Variants in CCDC91 observed in about 807,000 individuals in gnomAD.
CCDC91 encodes the protein coiled-coil domain containing 91, also known as coiled-coil domain-containing protein 91.
CCDC91 carries 48 observed loss-of-function variants against 63.2 expected under a neutral mutation model. The ratio of observed to expected loss-of-function variants is 0.76; its 90% confidence interval spans 0.60 to 0.97. CCDC91 has a LOEUF of 0.97. Among genes scored for constraint, CCDC91 ranks in the 50% least tolerant of loss-of-function variants. The pLI, the probability that CCDC91 is intolerant of heterozygous loss-of-function variation, is 0.00. For missense variants in CCDC91, 500 were observed against 494.6 expected, an observed-to-expected ratio of 1.01 and a Z score of -0.10; for synonymous variants, 167 against 165.8, an observed-to-expected ratio of 1.01 and a Z score of -0.06.
chr12:28,496,293 C>T (rs1952276038), intron 12 of CCDC91, among the ~76,000 whole-genome samples: 2 of 151,642 alleles, frequency 1.3e-5, no homozygotes, highest in African/African-American at 4.8e-5. Flanking sequence ...TTTCCATCCC[C>T]CAAATTTGGA....
intron 8 of CCDC91, among the ~76,000 whole-genome samples, chr12:28,438,308 G>C (rs73085948): frequency 0.059 from 9,017 of 152,146 alleles, 398 homozygotes; most frequent in Non-Finnish European, 0.089. Context: ...CTTTACAAAA[G>C]GGCTTGAGGG....
chr12:28,354,582 G>C (rs1340635407), intron 6 of CCDC91, among the ~76,000 whole-genome samples: 1 of 152,076 alleles, frequency 6.6e-6, no homozygotes, highest in African/African-American at 2.4e-5. Flanking sequence ...TAATAATACT[G>C]TGGACAGGAA....
chr12:28,258,959 G>A (rs999709976), intron 2 of CCDC91, among the ~76,000 whole-genome samples: 1 of 151,692 alleles, frequency 6.6e-6, no homozygotes, highest in African/African-American at 2.4e-5. Flanking sequence ...TCTCTAATTG[G>A]GTCTTGTGCT....
intron 12 of CCDC91, among the ~76,000 whole-genome samples, chr12:28,538,645 TG>T (rs1942383538): frequency 6.6e-6 from 1 of 152,158 alleles, no homozygotes; most frequent in African/African-American, 2.4e-5. Flanking sequence ...CTGGGTCAAA[TG>T]CTGTTTCTAG....
At chr12:28,322,491 T>C (rs1377776689) in intron 6 of CCDC91, among the ~76,000 whole-genome samples, 1 of 151,884 alleles carries the variant, frequency 6.6e-6, no homozygotes, top group African/African-American at 2.4e-5. Context: ...ACTTGGTTTT[T>C]GAAGTTTCTC....
chr12:28,514,076 C>T (rs1364111493), intron 12 of CCDC91, among the ~76,000 whole-genome samples: 1 of 151,988 alleles, frequency 6.6e-6, no homozygotes, highest in Non-Finnish European at 1.5e-5. Flanking sequence ...ACACTGCCAT[C>T]AGCAGTGTAT....
chr12:28,282,405 C>G (rs531951699), intron 3 of CCDC91, among the ~76,000 whole-genome samples: 49 of 152,210 alleles, frequency 3.2e-4, no homozygotes, highest in African/African-American at 1.2e-3. Flanking sequence ...ATAATGGCCT[C>G]CAGTTCCATC....
At chr12:28,210,886 C>G (rs1273860205) in intron 1 of CCDC91, among the ~76,000 whole-genome samples, 1 of 151,882 alleles carries the variant, frequency 6.6e-6, no homozygotes, top group South Asian at 2.1e-4. Context: ...CAAATAGTTA[C>G]AAAGTCAAGC....
chr12:28,375,027 T>C (rs977678774), intron 7 of CCDC91, among the ~76,000 whole-genome samples: 2 of 152,090 alleles, frequency 1.3e-5, no homozygotes, highest in African/African-American at 4.8e-5. Flanking sequence ...GACTGCTAAG[T>C]ACTTCTGTTA....
intron 3 of CCDC91, among the ~76,000 whole-genome samples, chr12:28,294,368 A>AT (rs1259972185): frequency 1.3e-5 from 2 of 151,942 alleles, no homozygotes; most frequent in African/African-American, 4.8e-5. Context: ...GTGGGAGGTG[A>AT]TTGGGTTATG....
chr12:28,452,181 A>G (rs1053483255), intron 10 of CCDC91, among the ~76,000 whole-genome samples: 7 of 151,560 alleles, frequency 4.6e-5, no homozygotes, highest in African/African-American at 9.7e-5. Flanking sequence ...GATATCCTCA[A>G]TAATTTTAAG....
At chr12:28,478,437 C>T (rs1951244114) in intron 11 of CCDC91, among the ~76,000 whole-genome samples, 1 of 152,128 alleles carries the variant, frequency 6.6e-6, no homozygotes, top group Admixed American at 6.6e-5. Context: ...GGATCCCTTC[C>T]TTACACCTTA....
At chr12:28,285,998 C>T (rs1053850007) in intron 3 of CCDC91, among the ~76,000 whole-genome samples, 4 of 151,876 alleles carry the variant, frequency 2.6e-5, no homozygotes, top group African/African-American at 9.7e-5. Flanking sequence ...CAGTGTCTAC[C>T]CTGGAGTACT....
Position 28,436,636 on chromosome 12 carries a change from C to T in CCDC91, c.763-13525C>T, listed in dbSNP as rs182685074. 1.3e-4 allele frequency among the ~76,000 whole-genome samples: 20 copies of T among 151,948 alleles called. No individual in the cohort carries two copies. In the East Asian group the frequency reaches 3.7e-3, roughly 28 times the overall value. On this transcript the variant is annotated intron_variant, in intron 8 of 12. Coordinates refer to ENST00000536442, the MANE Select transcript of CCDC91 (RefSeq NM_018318.5). ...CATCATTTTCCTTGTCTCTGAAGAA[C>T]TCTTTTAACATGTCTTGTTGAGCAG...
At chr12:28,267,664 A>C (rs1222688720) in intron 3 of CCDC91, among the ~76,000 whole-genome samples, 3 of 44,068 alleles carry the variant, frequency 6.8e-5, no homozygotes, top group Middle Eastern at 0.016. Context: ...CAATTAATAT[A>C]TTAATTATAT....
At position 28,508,869 on chromosome 12, in the gene CCDC91, A is replaced by G. The variant is rs568376397; in HGVS notation, c.1215+24704A>G. Among the ~76,000 whole-genome samples the G allele has an allele frequency of 5.3e-5, 8 of 152,084 alleles. No individual in the cohort carries two copies. In the South Asian group the frequency reaches 1.7e-3, roughly 32 times the overall value. On this transcript the variant is annotated intron_variant, in intron 12 of 12. Transcript: ENST00000536442. ...CCCATAAATTGTACTTCTGGGAAAC[A>G]TAGGAAACATAGCTCTATTTAATGG... is the stretch of plus-strand genomic sequence containing the variant.
chr12:28,467,382 A>G (rs545211497), intron 11 of CCDC91, among the ~76,000 whole-genome samples: 175 of 152,270 alleles, frequency 1.1e-3, no homozygotes, highest in African/African-American at 4.1e-3. Flanking sequence ...ATATAAGGAA[A>G]AAGGAATCAA....
intron 10 of CCDC91, among the ~76,000 whole-genome samples, chr12:28,452,040 A>T (rs1565995595): frequency 2.0e-5 from 3 of 150,400 alleles, no homozygotes; most frequent in African/African-American, 7.3e-5. Flanking sequence ...TTTAGAAAGT[A>T]GTTTTTCATA....
intron 11 of CCDC91, among the ~76,000 whole-genome samples, chr12:28,483,695 C>T (rs1951566343): frequency 6.6e-6 from 1 of 152,002 alleles, no homozygotes; most frequent in Non-Finnish European, 1.5e-5. Flanking sequence ...TTAGAGTGTT[C>T]TTGGAAGAAT....
Sources: allele counts gnomAD v4.1 joint callset (sites outside exome capture counted in the v4.1 genomes callset), GRCh38; gene constraint gnomAD v4.1.1; transcripts MANE v1.5; gene names NCBI Gene and HGNC (gene_info 2026-07-23, HGNC 2026-07-21).